FARS2: variants seen among roughly 807,000 people sequenced by gnomAD.
FARS2 encodes the protein phenylalanine--tRNA ligase, mitochondrial.
FARS2 carries 40 observed loss-of-function variants against 46.4 expected under a neutral mutation model. The observed-to-expected ratio is 0.86, with a 90% CI of 0.67 to 1.12. FARS2 has a LOEUF of 1.12. Ranked by LOEUF, FARS2 falls within the 50% of genes most tolerant of loss-of-function variation. The probability of loss-of-function intolerance (pLI) is 0.00; values close to 1 mark genes in which losing one functional copy is unlikely to be tolerated. For synonymous variants in FARS2, 234 were observed against 214.9 expected, an observed-to-expected ratio of 1.09 and a Z score of -0.78; for missense variants, 513 against 567.9, an observed-to-expected ratio of 0.90 and a Z score of 0.98.
chr6:5,759,013 G>T (rs1472150394), intron 6 of FARS2, among the ~76,000 whole-genome samples: 2 of 152,202 alleles, frequency 1.3e-5, no homozygotes, highest in South Asian at 2.1e-4. Flanking sequence ...GAGGCCCTGA[G>T]ATGGTGGTGC....
chr6:5,693,824 G>A (rs1757926155), intron 6 of FARS2, among the ~76,000 whole-genome samples: 1 of 152,198 alleles, frequency 6.6e-6, no homozygotes, highest in Non-Finnish European at 1.5e-5. Context: ...AAGCGGCCTG[G>A]CCTTCCTTAC....
chr6:5,348,807 A>T (rs1757399440), intron 1 of FARS2, among the ~76,000 whole-genome samples: 1 of 152,092 alleles, frequency 6.6e-6, no homozygotes, highest in African/African-American at 2.4e-5. Context: ...ACTCTCAACA[A>T]ACTAGGGATA....
chr6:5,656,977 T>C lies in FARS2; in HGVS notation c.1217+43657T>C, dbSNP rs1211843847. Among the ~76,000 whole-genome samples the C allele has an allele frequency of 3.3e-5, 5 of 152,208 alleles. No individual in the cohort carries two copies. The East Asian group carries it at 5.8e-4, about 18-fold the overall frequency. On this transcript the variant is annotated intron_variant, in intron 6 of 6. Transcript: ENST00000274680. ...CCAGTGAGTATCACTTGAGTGGCTT[T>C]TGATCTGTATTTGACAGATACTTTA...
At chr6:5,342,943 G>A (rs545315358) in intron 1 of FARS2, among the ~76,000 whole-genome samples, 2 of 152,006 alleles carry the variant, frequency 1.3e-5, no homozygotes, top group Non-Finnish European at 2.9e-5. Context: ...TCAAATACTG[G>A]GAAAGAGTTC....
At chr6:5,619,515 C>T (rs893681383) in intron 6 of FARS2, among the ~76,000 whole-genome samples, 1 of 152,188 alleles carries the variant, frequency 6.6e-6, no homozygotes, top group African/African-American at 2.4e-5. Context: ...GTGAGCTCCT[C>T]CCTCAACCCC....
At chr6:5,659,363 G>A (rs1420172021) in intron 6 of FARS2, among the ~76,000 whole-genome samples, 1 of 152,164 alleles carries the variant, frequency 6.6e-6, no homozygotes, top group Non-Finnish European at 1.5e-5. Flanking sequence ...GGGATGAGAA[G>A]AGAGCTCACG....
chr6:5,398,343 A>G (rs1342833623), intron 2 of FARS2, among the ~76,000 whole-genome samples: 7 of 152,206 alleles, frequency 4.6e-5, no homozygotes, highest in Non-Finnish European at 7.3e-5. Flanking sequence ...TATTTATATC[A>G]GTATGGCTTC....
chr6:5,589,010 G>A (rs1340853846), intron 5 of FARS2, among the ~76,000 whole-genome samples: 4 of 152,120 alleles, frequency 2.6e-5, no homozygotes, highest in African/African-American at 7.2e-5. Flanking sequence ...TCTTTACTAT[G>A]TTGCTAATTC....
intron 4 of FARS2, among the ~76,000 whole-genome samples, chr6:5,491,080 CCCT>C (rs1180867780): frequency 1.3e-5 from 2 of 152,190 alleles, no homozygotes; most frequent in Non-Finnish European, 2.9e-5. Flanking sequence ...CTTCTCCATA[CCCT>C]CAGCAACATT....
chr6:5,456,507 G>T (rs893310961), intron 4 of FARS2, among the ~76,000 whole-genome samples: 2 of 152,048 alleles, frequency 1.3e-5, no homozygotes, highest in African/African-American at 4.8e-5. Context: ...GCCGAGGCAG[G>T]CGGATCACGA....
At chr6:5,351,405 A>C (rs1485715294) in intron 1 of FARS2, among the ~76,000 whole-genome samples, 1 of 152,254 alleles carries the variant, frequency 6.6e-6, no homozygotes, top group East Asian at 1.9e-4. Context: ...ATCTTTTCAC[A>C]GTTCTATGAC....
At chr6:5,269,038 C>T (rs539549859) in intron 1 of FARS2, among the ~76,000 whole-genome samples, 4 of 152,334 alleles carry the variant, frequency 2.6e-5, no homozygotes, top group Admixed American at 6.5e-5. Context: ...CACATGCACA[C>T]ATGTGTTTAT....
intron 4 of FARS2, among the ~76,000 whole-genome samples, chr6:5,465,231 G>A (rs1369375412): frequency 6.6e-6 from 1 of 152,174 alleles, no homozygotes; most frequent in Non-Finnish European, 1.5e-5. Context: ...TTGTGTAGTT[G>A]TATTAGGATG....
At chr6:5,675,115 A>G (rs981441977) in intron 6 of FARS2, among the ~76,000 whole-genome samples, 6 of 152,180 alleles carry the variant, frequency 3.9e-5, no homozygotes, top group Admixed American at 2.0e-4. Context: ...TAGGTGGTCA[A>G]TAAATATTTG....
intron 4 of FARS2, among the ~76,000 whole-genome samples, chr6:5,531,021 T>C (rs769981077): frequency 9.2e-5 from 14 of 151,890 alleles, no homozygotes; most frequent in Non-Finnish European, 1.8e-4. Flanking sequence ...CCTGGTCACA[T>C]GTTAGCTACT....
At chr6:5,297,580 G>T (rs371353700) in intron 1 of FARS2, among the ~76,000 whole-genome samples, 4 of 152,128 alleles carry the variant, frequency 2.6e-5, no homozygotes, top group Admixed American at 2.6e-4. Flanking sequence ...CCCAGGAGGC[G>T]GAGGTTGCAG....
chr6:5,629,013 A>G lies in FARS2; in HGVS notation c.1217+15693A>G, dbSNP rs114389713. Among the ~76,000 whole-genome samples the G allele has an allele frequency of 8.5e-3, 1,299 of 152,326 alleles. 25 individuals carry two copies. The highest frequency in any genetic ancestry group is 0.029 in the African/African-American group (1,214 of 41,574). ...CCACAGGGTTGAGGCTGAGGTGACCATTTCAGTATGAACTGAAAATGGCTT... is the reference window on the plus strand; with the variant it reads ...CCACAGGGTTGAGGCTGAGGTGACCGTTTCAGTATGAACTGAAAATGGCTT... On this transcript the variant is annotated intron_variant, in intron 6 of 6. Transcript: ENST00000274680.
chr6:5,309,553 T>A (rs1245618997), intron 1 of FARS2, among the ~76,000 whole-genome samples: 1 of 152,192 alleles, frequency 6.6e-6, no homozygotes, highest in Non-Finnish European at 1.5e-5. Flanking sequence ...AATTTCGTAC[T>A]GTGCCTATAT....
intron 6 of FARS2, among the ~76,000 whole-genome samples, chr6:5,644,186 G>A (rs568951924): frequency 4.0e-5 from 6 of 151,654 alleles, no homozygotes; most frequent in African/African-American, 9.7e-5. Flanking sequence ...TTGGAGAGGT[G>A]CCAGTCATGT....
Sources: allele counts gnomAD v4.1 joint callset (sites outside exome capture counted in the v4.1 genomes callset), GRCh38; gene constraint gnomAD v4.1.1; transcripts MANE v1.5; gene names NCBI Gene and HGNC (gene_info 2026-07-23, HGNC 2026-07-21).